Variants in KCNS3 observed in about 807,000 individuals in gnomAD.
KCNS3 encodes the protein potassium voltage-gated channel modifier subfamily S member 3.
A neutral mutation model predicts 31.0 loss-of-function variants in KCNS3; 13 were observed. The ratio of observed to expected loss-of-function variants is 0.42; its 90% confidence interval spans 0.27 to 0.67. The LOEUF is 0.67. KCNS3 is among the 30% of genes least tolerant of loss of function. KCNS3 has a pLI of 0.25. For missense variants in KCNS3, 545 were observed against 622.4 expected, an observed-to-expected ratio of 0.88 and a Z score of 1.32; for synonymous variants, 238 against 241.5, an observed-to-expected ratio of 0.99 and a Z score of 0.13.
In KCNS3 at chr2:17,931,682, T is replaced by A; in HGVS notation, c.674T>A (p.Val225Glu). 6.2e-7 allele frequency: 1 copy of A among 1,613,380 alleles called. No homozygotes were observed. Among genetic ancestry groups the A allele is most frequent in the Non-Finnish European group, 8.5e-7 (1 of 1,179,852 alleles). ...GTGGATGATCCGGTGCTGGAAGGAG[T>A]GGAGATCGCGTGCATTGCCTGGTTC... ...GEVDDPVLEG[V>E]EIACIAWFTG... The change falls in exon 3 of 3, where the codon GTG becomes GAG. Residue 225 changes from valine to glutamate, a missense_variant. Transcript: ENST00000304101. The surrounding 1 kb of genome is among the most constrained non-coding windows in gnomAD (Gnocchi z 5.4).
chr2:17,906,739 G>T (rs1002132602), intron 1 of KCNS3, among the ~76,000 whole-genome samples: 2 of 152,180 alleles, frequency 1.3e-5, no homozygotes, highest in African/African-American at 4.8e-5. Flanking sequence ...TCAGGAGCAG[G>T]TTGTTCAGTT....
At chr2:17,919,748 CTGTT>C (rs1450325071) in intron 2 of KCNS3, 6 of 152,356 alleles carry the variant, frequency 3.9e-5, no homozygotes, top group African/African-American at 1.4e-4. Context: ...TCTTGCCTGA[CTGTT>C]TGGCCGGTGG....
At chr2:17,924,920 G>C (rs6725712) in intron 2 of KCNS3, among the ~76,000 whole-genome samples, 3,567 of 152,234 alleles carry the variant, frequency 0.023, 118 homozygotes, top group African/African-American at 0.076. Context: ...TGGAAGATTG[G>C]TGGTGATTGT....
intron 2 of KCNS3, among the ~76,000 whole-genome samples, chr2:17,925,925 C>T (rs186297418): frequency 1.4e-3 from 220 of 152,268 alleles, no homozygotes; most frequent in African/African-American, 4.7e-3. Context: ...AAGTTTCATC[C>T]GAGACAAGGC....
At chr2:17,892,108 G>T (rs1242732241) in intron 1 of KCNS3, among the ~76,000 whole-genome samples, 1 of 151,982 alleles carries the variant, frequency 6.6e-6, no homozygotes, top group Non-Finnish European at 1.5e-5. Context: ...CTTCTTAGAG[G>T]CTTTGTTCAC....
At chr2:17,884,284 T>A (rs1378531374) in intron 1 of KCNS3, among the ~76,000 whole-genome samples, 12 of 136,086 alleles carry the variant, frequency 8.8e-5, no homozygotes, top group African/African-American at 3.3e-4. Context: ...TATATATATA[T>A]ATATATATAT....
At chr2:17,927,688 G>A (rs919216252) in intron 2 of KCNS3, among the ~76,000 whole-genome samples, 6 of 152,046 alleles carry the variant, frequency 3.9e-5, no homozygotes, top group African/African-American at 1.5e-4. Context: ...GAACAGCATG[G>A]GGAAACCACC....
chr2:17,915,209 T>G (rs1458593537), intron 1 of KCNS3, among the ~76,000 whole-genome samples: 1 of 152,154 alleles, frequency 6.6e-6, no homozygotes. Context: ...AATATTTGAG[T>G]GAGCTTGATG....
chr2:17,904,680 C>G (rs1307110795), intron 1 of KCNS3, among the ~76,000 whole-genome samples: 1 of 152,174 alleles, frequency 6.6e-6, no homozygotes, highest in African/African-American at 2.4e-5. Flanking sequence ...CTACATATGG[C>G]TAGCCAGTTT....
chr2:17,890,524 CTGTT>C (rs540370037), intron 1 of KCNS3, among the ~76,000 whole-genome samples: 217 of 151,758 alleles, frequency 1.4e-3, no homozygotes, highest in Non-Finnish European at 3.7e-4. Context: ...TTTAGATTGT[CTGTT>C]TGTGCTCTTT....
rs942184521 is a variant in KCNS3 at position 17,908,828 on chromosome 2, C to G, written c.-251-8852C>G. Among the ~76,000 whole-genome samples the G allele has an allele frequency of 1.6e-4, 24 of 152,228 alleles. 1 individual carries two copies. The highest frequency in any genetic ancestry group is 4.1e-4 in the South Asian group (2 of 4,834). ...CTGATCGTTCCTCTGGAAGCTTTGT[C>G]TCAGAGGGGTACCCGGCCGTGTGAA... On this transcript the variant is annotated intron_variant, in intron 1 of 2. Transcript: ENST00000304101.
intron 1 of KCNS3, among the ~76,000 whole-genome samples, chr2:17,888,661 A>G (rs1184169613): frequency 1.4e-5 from 2 of 138,444 alleles, no homozygotes; most frequent in East Asian, 2.1e-4. Flanking sequence ...ATATATATAT[A>G]TATATATATA....
chr2:17,902,238 G>A (rs535176353), intron 1 of KCNS3, among the ~76,000 whole-genome samples: 1 of 152,188 alleles, frequency 6.6e-6, no homozygotes, highest in Non-Finnish European at 1.5e-5. Flanking sequence ...CTTAAAAATG[G>A]GGTATTAGGT....
intron 1 of KCNS3, among the ~76,000 whole-genome samples, chr2:17,887,886 A>G (rs1446288991): frequency 6.6e-6 from 1 of 152,140 alleles, no homozygotes; most frequent in Non-Finnish European, 1.5e-5. Flanking sequence ...GTAAAGTGGT[A>G]TCACATTGTG....
chr2:17,929,874 C>T (rs983632561), intron 2 of KCNS3, among the ~76,000 whole-genome samples: 29 of 152,276 alleles, frequency 1.9e-4, no homozygotes, highest in Admixed American at 3.3e-4. Context: ...GAGCAGTACC[C>T]ATTTTTCTAT....
At chr2:17,899,930 A>G (rs889839589) in intron 1 of KCNS3, among the ~76,000 whole-genome samples, 1 of 152,190 alleles carries the variant, frequency 6.6e-6, no homozygotes, top group African/African-American at 2.4e-5. Context: ...ATACAGTTGA[A>G]TTTAAGGGCA....
intron 1 of KCNS3, among the ~76,000 whole-genome samples, chr2:17,888,633 A>ATCTATATATATATC (rs1553341407): frequency 2.0e-5 from 1 of 50,468 alleles, no homozygotes. Context: ...AAAAATGTAT[A>ATCTATATATATATC]TATATATATA....
chr2:17,891,020 A>C lies in KCNS3; in HGVS notation c.-252+12214A>C, dbSNP rs944607957. Among the ~76,000 whole-genome samples the C allele has an allele frequency of 3.3e-5, 5 of 152,160 alleles. No homozygotes were observed. In the East Asian group the frequency reaches 9.6e-4, roughly 29 times the overall value. The stretch of plus-strand genomic sequence containing the variant: ...ATGACCTGTCTAGTGTTGTCAGTAG[A>C]GTATCGATGTCCCCTGATATTGTTG... On this transcript the variant is annotated intron_variant, in intron 1 of 2. Coordinates refer to ENST00000304101, the MANE Select transcript of KCNS3 (RefSeq NM_002252.5).
Position 17,932,451 on chromosome 2 carries a change from C to T in KCNS3, c.1443C>T (p.Asn481=), listed in dbSNP as rs748288131. Residue 481 remains asparagine (N), a synonymous_variant, in exon 3 of 3, where the codon AAC becomes AAT. Coordinates refer to ENST00000304101, the MANE Select transcript of KCNS3 (RefSeq NM_002252.5). The stretch of plus-strand genomic sequence containing the variant: ...TTGAAGACAATGAGGACATTTGTAA[C>T]ACCACCTCCTTGGAGAATTGCACAG... ...SSIEDNEDIC[N]TTSLENCTAK 1.9e-6 allele frequency: 3 copies of T among 1,613,134 alleles called. No homozygotes were observed. Among genetic ancestry groups the T allele is most frequent in the Admixed American group, 1.7e-5 (1 of 59,980 alleles).
Sources: allele counts gnomAD v4.1 joint callset (sites outside exome capture counted in the v4.1 genomes callset), GRCh38; gene constraint gnomAD v4.1.1; non-coding constraint Gnocchi (gnomAD v3.1); transcripts MANE v1.5; gene names NCBI Gene and HGNC (gene_info 2026-07-23, HGNC 2026-07-21).